The following RGS6 variants were observed in gnomAD, a reference collection of about 807,000 sequenced individuals.
The protein encoded by RGS6 is regulator of G protein signaling 6, also known as regulator of G-protein signaling 6.
In RGS6, 30 loss-of-function variants were observed where a neutral mutation model predicts 78.5. The ratio of observed to expected loss-of-function variants is 0.38; its 90% confidence interval spans 0.29 to 0.52. The LOEUF (loss-of-function observed/expected upper bound fraction) is 0.52, where lower values mean the gene tolerates loss of function less well. RGS6 is among the 20% of genes least tolerant of loss of function. The pLI, the probability that RGS6 is intolerant of heterozygous loss-of-function variation, is 0.85. For missense variants in RGS6, 495 were observed against 609.7 expected, an observed-to-expected ratio of 0.81 and a Z score of 1.98; for synonymous variants, 206 against 206.0, an observed-to-expected ratio of 1.00 and a Z score of 0.00.
intron 15 of RGS6, among the ~76,000 whole-genome samples, chr14:72,528,251 A>T (rs1466441204): frequency 6.6e-6 from 1 of 152,202 alleles, no homozygotes; most frequent in Non-Finnish European, 1.5e-5. Flanking sequence ...TTTGTACTGC[A>T]TGCTCTCTCC....
intron 2 of RGS6, among the ~76,000 whole-genome samples, chr14:72,182,870 C>G (rs1433878088): frequency 2.0e-5 from 3 of 152,138 alleles, no homozygotes; most frequent in Non-Finnish European, 4.4e-5. Context: ...TTTGGAAAAA[C>G]ATTTAGTGTT....
chr14:72,611,849 A>G, the RGS6 span, among the ~76,000 whole-genome samples: 11 of 152,034 alleles, frequency 7.2e-5, no homozygotes, highest in African/African-American at 2.7e-4. Context: ...CTTGTCTTCT[A>G]CTGAGGAACA....
At chr14:72,438,172 A>G (rs1325890479) in intron 3 of RGS6, among the ~76,000 whole-genome samples, 1 of 152,088 alleles carries the variant, frequency 6.6e-6, no homozygotes, top group Non-Finnish European at 1.5e-5. Context: ...CCATTGTCAC[A>G]GGTTAAGTCA....
intron 2 of RGS6, among the ~76,000 whole-genome samples, chr14:72,291,476 T>G (rs1409066946): frequency 6.6e-6 from 1 of 152,192 alleles, no homozygotes; most frequent in Non-Finnish European, 1.5e-5. Context: ...TTTATTACAC[T>G]AGTCCATATG....
rs184670463 is a variant in RGS6 at position 72,044,646 on chromosome 14, G to A, written c.84+79771G>A. Among the ~76,000 whole-genome samples the A allele has an allele frequency of 1.8e-3, 272 of 152,162 alleles. 2 individuals are homozygous for A. The highest frequency in any genetic ancestry group is 6.6e-4 in the Non-Finnish European group (45 of 68,000). On this transcript the variant is annotated intron_variant, in intron 2 of 17. Coordinates refer to ENST00000553525, the MANE Select transcript of RGS6 (RefSeq NM_001204424.2). ...AGCACTTTGGGAGGCCGAGGCAGGC[G>A]GATCACTTGAGGTCAGGAGTTTGAA...
chr14:72,202,296 A>G (rs1170473110), intron 2 of RGS6, among the ~76,000 whole-genome samples: 1 of 152,196 alleles, frequency 6.6e-6, no homozygotes, highest in African/African-American at 2.4e-5. Context: ...GAAGGGCCAC[A>G]TTAATTACCC....
intron 3 of RGS6, among the ~76,000 whole-genome samples, chr14:72,416,512 T>C (rs2093820053): frequency 6.6e-6 from 1 of 152,090 alleles, no homozygotes; most frequent in Admixed American, 6.6e-5. Context: ...AACCTAAAAC[T>C]AAAACTATAA....
At chr14:71,888,467 A>G in the RGS6 span, among the ~76,000 whole-genome samples, 1 of 151,720 alleles carries the variant, frequency 6.6e-6, no homozygotes, top group African/African-American at 2.4e-5. Flanking sequence ...GGGGGAATTT[A>G]TCTGCCTTGC....
At chr14:72,514,807 GCTGCC>G (rs1430527339) in intron 14 of RGS6, among the ~76,000 whole-genome samples, 4 of 152,172 alleles carry the variant, frequency 2.6e-5, no homozygotes, top group Non-Finnish European at 5.9e-5. Flanking sequence ...ACTCCCTGCC[GCTGCC>G]CTTGGGGAGG....
intron 2 of RGS6, among the ~76,000 whole-genome samples, chr14:72,052,925 TTTTCTTTCTTTCTTTC>T (rs759527358): frequency 1.0e-4 from 12 of 120,330 alleles, no homozygotes; most frequent in South Asian, 3.1e-4. Flanking sequence ...TTCATTGTAT[TTTTCTTTCTTTCTTTC>T]TTTCTTTCTT....
intron 1 of RGS6, among the ~76,000 whole-genome samples, chr14:71,944,144 A>C (rs1198675513): frequency 6.6e-6 from 1 of 152,220 alleles, no homozygotes; most frequent in African/African-American, 2.4e-5. Flanking sequence ...TACACATAGT[A>C]AATGCTTGAT....
chr14:72,339,820 C>A (rs1251952957), intron 2 of RGS6, among the ~76,000 whole-genome samples: 1 of 152,184 alleles, frequency 6.6e-6, no homozygotes, highest in African/African-American at 2.4e-5. Context: ...AAAAAGGGAT[C>A]TTTGCTGCTG....
the RGS6 span, among the ~76,000 whole-genome samples, chr14:71,890,199 T>C: frequency 1.3e-5 from 2 of 152,178 alleles, no homozygotes; most frequent in African/African-American, 4.8e-5. Flanking sequence ...CTTGAGCAGA[T>C]CAAAGATTTG....
chr14:72,297,259 C>T (rs997586190), intron 2 of RGS6, among the ~76,000 whole-genome samples: 3 of 151,910 alleles, frequency 2.0e-5, no homozygotes, highest in Admixed American at 2.0e-4. Flanking sequence ...TATTCTAGGT[C>T]CTTTGCATTT....
chr14:72,570,145 G>C (rs1490787768), downstream of RGS6, among the ~76,000 whole-genome samples: 1 of 152,034 alleles, frequency 6.6e-6, no homozygotes, highest in African/African-American at 2.4e-5. Context: ...AATAACAACA[G>C]TAAAAATACA....
chr14:72,410,768 G>A (rs140401478), intron 3 of RGS6, among the ~76,000 whole-genome samples: 2,228 of 152,292 alleles, frequency 0.015, 17 homozygotes, highest in Middle Eastern at 0.031. Flanking sequence ...GAGGGATCCA[G>A]TTTCAGCTTT....
chr14:72,481,791 G>A (rs947304291), intron 12 of RGS6, among the ~76,000 whole-genome samples: 30 of 150,002 alleles, frequency 2.0e-4, no homozygotes, highest in Non-Finnish European at 3.1e-4. Context: ...AACACCCTAA[G>A]CTTTTTATTT....
intron 15 of RGS6, among the ~76,000 whole-genome samples, chr14:72,535,673 CT>C (rs2097240879): frequency 6.6e-6 from 1 of 152,204 alleles, no homozygotes; most frequent in African/African-American, 2.4e-5. Flanking sequence ...TTCCTGTTGC[CT>C]TTTATAACCA....
intron 2 of RGS6, among the ~76,000 whole-genome samples, chr14:72,006,791 A>G (rs1480664678): frequency 1.3e-5 from 2 of 152,226 alleles, no homozygotes; most frequent in South Asian, 4.1e-4. Flanking sequence ...CCACATTGGT[A>G]CTAGAGGTGC....
Sources: allele counts gnomAD v4.1 joint callset (sites outside exome capture counted in the v4.1 genomes callset), GRCh38; gene constraint gnomAD v4.1.1; transcripts MANE v1.5; gene names NCBI Gene and HGNC (gene_info 2026-07-23, HGNC 2026-07-21).